SLC12A2: variants seen among roughly 807,000 people sequenced by gnomAD.
SLC12A2 encodes the protein Na-K-2Cl cotransporter 1.
In SLC12A2, 67 loss-of-function variants were observed where a neutral mutation model predicts 136.3. The observed-to-expected ratio is 0.49, with a 90% CI of 0.40 to 0.60. SLC12A2 has a LOEUF of 0.60. Ranked by LOEUF, SLC12A2 falls within the 20% of genes least tolerant of loss-of-function variation. The pLI is 0.00. For synonymous variants in SLC12A2, 619 were observed against 562.9 expected, an observed-to-expected ratio of 1.10 and a Z score of -1.41; for missense variants, 1,322 against 1,534.7, an observed-to-expected ratio of 0.86 and a Z score of 2.32.
chr5:128,103,353 T>G (rs1760813910), intron 1 of SLC12A2, among the ~76,000 whole-genome samples: 1 of 152,222 alleles, frequency 6.6e-6, no homozygotes, highest in Non-Finnish European at 1.5e-5. Context: ...AAGCACACAT[T>G]ACTAGTGAGT....
chr5:128,161,618 T>G, intron 16 of SLC12A2, 42 bp from the exon 17 acceptor site: 1 of 1,236,608 alleles, frequency 8.1e-7, no homozygotes, highest in Non-Finnish European at 1.0e-6. Flanking sequence ...GTGAAGTTGC[T>G]TACCTTTTAA....
At chr5:128,100,025 T>G (rs1760690795) in intron 1 of SLC12A2, among the ~76,000 whole-genome samples, 1 of 152,196 alleles carries the variant, frequency 6.6e-6, no homozygotes, top group South Asian at 2.1e-4. Context: ...TGTTATATAC[T>G]GTGAATAATT....
At chr5:128,182,264 C>T (rs1202109619) in intron 23 of SLC12A2, among the ~76,000 whole-genome samples, 1 of 152,090 alleles carries the variant, frequency 6.6e-6, no homozygotes, top group Non-Finnish European at 1.5e-5. Flanking sequence ...TATATGTGCA[C>T]TTCACCTGTT....
Position 128,180,953 on chromosome 5 carries a change from C to G in SLC12A2, c.3171C>G (p.Phe1057Leu), listed in dbSNP as rs1763686580. 6.2e-7 allele frequency: 1 copy of G among 1,612,258 alleles called. No homozygotes were observed. Among genetic ancestry groups the G allele is most frequent in the Admixed American group, 1.7e-5 (1 of 59,962 alleles). The part of the protein sequence containing the change: ...KKWKDCKIRV[F>L]IGGKINRIDH... Reference sequence around the variant, plus strand: ...GGAAAGACTGTAAGATCAGAGTATTCATTGGTGGAAAGATAAACAGAATAG... The same window carrying G: ...GGAAAGACTGTAAGATCAGAGTATTGATTGGTGGAAAGATAAACAGAATAG... The change falls in exon 23 of 27, where the codon TTC (phenylalanine) becomes TTG (leucine). Residue 1057 changes from phenylalanine to leucine, a missense_variant. Physicochemically the swap from Phe to Leu is conservative, Grantham distance 22. Transcript: ENST00000262461.
Position 128,084,338 on chromosome 5 carries a change from G to C in SLC12A2, c.384G>C (p.Pro128=), listed in dbSNP as rs780260587. ...ADGEASGESE[P]AKGSEEAKGR... ...GGGAAGCCAGCGGCGAGAGCGAGCCGGCTAAAGGCAGCGAGGAAGCCAAGG... is the reference window on the plus strand; with the variant it reads ...GGGAAGCCAGCGGCGAGAGCGAGCCCGCTAAAGGCAGCGAGGAAGCCAAGG... Residue 128 remains proline, a synonymous_variant, in exon 1 of 27, where the codon CCG becomes CCC. Transcript: ENST00000262461. This position sits in a 1 kb window ranked among gnomAD's most constrained non-coding sequence, Gnocchi z 5.6. 5 of 1,580,172 alleles carry C rather than the reference G, an allele frequency of 3.2e-6. No individual in the cohort carries two copies. The East Asian group carries it at 9.1e-5, about 29-fold the overall frequency.
At chr5:128,134,001 A>G (rs1175253870) in intron 5 of SLC12A2, among the ~76,000 whole-genome samples, 164 bp from the exon 6 acceptor site, 1 of 152,062 alleles carries the variant, frequency 6.6e-6, no homozygotes, top group East Asian at 1.9e-4. Context: ...CTCAGTGGTA[A>G]ATAGTAATTT....
chr5:128,131,971 C>G (rs1433814830), intron 5 of SLC12A2, among the ~76,000 whole-genome samples: 1 of 152,220 alleles, frequency 6.6e-6, no homozygotes, highest in East Asian at 1.9e-4. Flanking sequence ...CGCCTTTGCT[C>G]TCCAACCTGG....
intron 22 of SLC12A2, among the ~76,000 whole-genome samples, 179 bp downstream of exon 22, chr5:128,178,868 C>T (rs1763614580): frequency 6.6e-6 from 1 of 152,134 alleles, no homozygotes; most frequent in Non-Finnish European, 1.5e-5. Flanking sequence ...TTCAGTATCC[C>T]TAATGCGGAG....
intron 1 of SLC12A2, among the ~76,000 whole-genome samples, chr5:128,100,495 A>G (rs10478796): frequency 0.35 from 52,452 of 151,962 alleles, 11,648 homozygotes; most frequent in African/African-American, 0.63. Context: ...AAAATCTGAA[A>G]ATATCTGAAA....
chr5:128,110,344 A>T lies in SLC12A2; in HGVS notation c.757-2470A>T. 3 of 941,910 alleles carry T rather than the reference A, an allele frequency of 3.2e-6. No individual in the cohort carries two copies. The Admixed American group carries it at 5.1e-5, about 16-fold the overall frequency. The allele number at this position is 941,910 out of a possible 1,614,324, so 58.3% of individuals were successfully genotyped here. A position where few individuals can be genotyped will look rare whatever the true frequency, so the allele number is the denominator to read the frequency against. On this transcript the variant is annotated intron_variant, in intron 1 of 26. Coordinates refer to ENST00000262461, the MANE Select transcript of SLC12A2 (RefSeq NM_001046.3). The stretch of plus-strand genomic sequence containing the variant: ...GAAACCATGGGCTGGGTAAGTCTGG[A>T]TATGATGTCTGTGCAAGCTAACACG...
In SLC12A2 at chr5:128,083,940, G is replaced by T; in HGVS notation, c.-15G>T. 1.6e-6 allele frequency: 2 copies of T among 1,228,146 alleles called. No individual in the cohort carries two copies. Among genetic ancestry groups the T allele is most frequent in the South Asian group, 3.5e-5 (1 of 28,306 alleles). 76.1% of individuals were successfully genotyped at this position (1,228,146 alleles called of 1,614,324 possible). ...GTCCGCCGGGCTCTGCAGTTCCGCC[G>T]GGGGTCGGGCAGCTATGGAGCCGCG... On this transcript the variant is annotated 5_prime_UTR_variant, in exon 1 of 27. Coordinates refer to ENST00000262461, the MANE Select transcript of SLC12A2 (RefSeq NM_001046.3).
At chr5:128,094,258 A>G (rs558140324) in intron 1 of SLC12A2, among the ~76,000 whole-genome samples, 4 of 150,930 alleles carry the variant, frequency 2.7e-5, no homozygotes, top group African/African-American at 9.7e-5. Flanking sequence ...TAGACCCTCA[A>G]TCGATACATA....
At chr5:128,166,922 T>C (rs1378507802) in intron 17 of SLC12A2, among the ~76,000 whole-genome samples, 1 of 152,090 alleles carries the variant, frequency 6.6e-6, no homozygotes, top group African/African-American at 2.4e-5. Context: ...TTTTGGGGGA[T>C]ACTTTGGCCC....
At chr5:128,111,125 T>G in intron 1 of SLC12A2, 1 of 433,606 alleles carries the variant, frequency 2.3e-6, no homozygotes, top group Non-Finnish European at 4.3e-6. Context: ...AGATAACGTT[T>G]CTACTTATGC....
In SLC12A2 at chr5:128,084,112, G is replaced by C; in HGVS notation, c.158G>C (p.Gly53Ala). 1.1e-5 allele frequency: 15 copies of C among 1,308,716 alleles called. No homozygotes were observed. The highest frequency in any genetic ancestry group is 1.5e-5 in the Non-Finnish European group (15 of 1,033,290). 81.1% of individuals were successfully genotyped at this position (1,308,716 alleles called of 1,614,324 possible). Residue 53 changes from glycine (G) to alanine (A), a missense_variant, in exon 1 of 27, where the codon GGC (glycine) becomes GCC (alanine). By Grantham distance (60) the Gly-to-Ala change is moderately conservative. Around this residue, in one of 8 missense-constraint regions of SLC12A2, gnomAD observed 358 missense variants for 299.7 expected, o/e 1.19. Transcript: ENST00000262461. This position sits in a 1 kb window ranked among gnomAD's most constrained non-coding sequence, Gnocchi z 5.6. ...GATGCTGCGCCCGCGAGCCGGGACG[G>C]CGGCGGGGTCCGCGATGAGGGCCCC... ...PEDAAPASRD[G>A]GGVRDEGPAA...
At chr5:128,149,518 A>G (rs1276492251) in intron 12 of SLC12A2, among the ~76,000 whole-genome samples, 5 of 151,862 alleles carry the variant, frequency 3.3e-5, no homozygotes, top group African/African-American at 1.2e-4. Flanking sequence ...ATTATTCATT[A>G]TAGTGAAAAA....
intron 4 of SLC12A2, among the ~76,000 whole-genome samples, chr5:128,121,357 C>G (rs1761571317): frequency 6.6e-6 from 1 of 151,910 alleles, no homozygotes; most frequent in Non-Finnish European, 1.5e-5. Flanking sequence ...GAGTCTTGCT[C>G]TGTTGCCCAG....
chr5:128,148,543 G>A (rs1186173680), intron 11 of SLC12A2, among the ~76,000 whole-genome samples: 2 of 151,754 alleles, frequency 1.3e-5, no homozygotes, highest in African/African-American at 4.8e-5. Flanking sequence ...GATAGGGTAA[G>A]GCAGATAGAA....
chr5:128,109,586 G>A, intron 1 of SLC12A2: 1 of 724,472 alleles, frequency 1.4e-6, no homozygotes, highest in East Asian at 2.6e-5. Flanking sequence ...CAAAATATGG[G>A]GACCCAGGTT....
Sources: allele counts gnomAD v4.1 joint callset (sites outside exome capture counted in the v4.1 genomes callset), GRCh38; gene constraint gnomAD v4.1.1; regional missense constraint gnomAD v4.1.1; non-coding constraint Gnocchi (gnomAD v3.1); transcripts MANE v1.5; gene names NCBI Gene and HGNC (gene_info 2026-07-23, HGNC 2026-07-21).